Variants in SOX5 observed in about 807,000 individuals in gnomAD.
SOX5 encodes the protein SRY-box transcription factor 5.
A neutral mutation model predicts 92.0 loss-of-function variants in SOX5; 9 were observed. The observed-to-expected ratio is 0.10, with a 90% CI of 0.06 to 0.17. The LOEUF is 0.17. SOX5 is among the 10% of genes least tolerant of loss of function. SOX5 has a pLI of 1.00. For synonymous variants in SOX5, 344 were observed against 336.3 expected, an observed-to-expected ratio of 1.02 and a Z score of -0.25; for missense variants, 642 against 944.5, an observed-to-expected ratio of 0.68 and a Z score of 4.20.
intron 2 of SOX5, among the ~76,000 whole-genome samples, chr12:24,305,636 C>T (rs771918918): frequency 7.9e-5 from 12 of 152,116 alleles, no homozygotes; most frequent in Non-Finnish European, 1.8e-4. Flanking sequence ...CTCGCTCTCT[C>T]GCCCAGGCTG....
intron 4 of SOX5, among the ~76,000 whole-genome samples, chr12:24,183,551 A>G (rs1955719573): frequency 6.6e-6 from 1 of 152,204 alleles, no homozygotes; most frequent in Admixed American, 6.5e-5. Context: ...GATATCCACT[A>G]AAAGTCATTT....
intron 4 of SOX5, among the ~76,000 whole-genome samples, chr12:24,152,337 TTA>T (rs138372076): frequency 6.6e-6 from 1 of 152,160 alleles, no homozygotes; most frequent in Admixed American, 6.6e-5. Context: ...CATGAACATT[TTA>T]TGAGTTTTTA....
chr12:24,286,593 A>T (rs1170813721), intron 2 of SOX5, among the ~76,000 whole-genome samples: 1 of 152,132 alleles, frequency 6.6e-6, no homozygotes, highest in Non-Finnish European at 1.5e-5. Flanking sequence ...GCTGGAGTGC[A>T]ATGATACCAT....
chr12:23,625,009 A>G (rs1048092900), intron 8 of SOX5, among the ~76,000 whole-genome samples: 1 of 152,180 alleles, frequency 6.6e-6, no homozygotes, highest in South Asian at 2.1e-4. Context: ...TATGTATAAT[A>G]TACCATATGC....
At chr12:23,718,548 A>G (rs749884749) in intron 6 of SOX5, among the ~76,000 whole-genome samples, 2 of 152,230 alleles carry the variant, frequency 1.3e-5, no homozygotes, top group Non-Finnish European at 2.9e-5. Context: ...TTTATAAACC[A>G]TGTTTAATCT....
chr12:24,059,283 A>G (rs1413265405), intron 4 of SOX5, among the ~76,000 whole-genome samples: 2 of 151,966 alleles, frequency 1.3e-5, no homozygotes, highest in Non-Finnish European at 2.9e-5. Context: ...CTCTCATCGC[A>G]CCAAAATCTT....
intron 4 of SOX5, among the ~76,000 whole-genome samples, chr12:23,991,341 CAAA>C (rs1307441405): frequency 6.6e-6 from 1 of 150,414 alleles, no homozygotes; most frequent in Non-Finnish European, 1.5e-5. Context: ...ACAACAACAA[CAAA>C]AAAAATATAT....
At position 23,946,919 on chromosome 12, in the gene SOX5, T is replaced by C. The variant is rs181303000; in HGVS notation, c.38+2645A>G. On this transcript the variant is annotated intron_variant, in intron 1 of 14. Transcript: ENST00000451604. ...CCTCCTGCATATTTTTAACAGACAA[T>C]GAAATTGTTACTACTTCTTAACTAT... Among the ~76,000 whole-genome samples, 281 of 152,036 alleles carry C rather than the reference T, an allele frequency of 1.8e-3. 1 individual carries two copies. Among genetic ancestry groups the C allele is most frequent in the African/African-American group, 6.0e-3 (251 of 41,548 alleles).
At chr12:24,439,621 G>A (rs563246699) in intron 1 of SOX5, among the ~76,000 whole-genome samples, 10 of 152,318 alleles carry the variant, frequency 6.6e-5, no homozygotes, top group South Asian at 6.2e-4. Context: ...TAGTCCGGGC[G>A]CAGTAGCTCA....
intron 1 of SOX5, among the ~76,000 whole-genome samples, chr12:24,369,038 AG>A (rs537658507): frequency 2.0e-3 from 310 of 152,308 alleles, no homozygotes; most frequent in African/African-American, 6.9e-3. Context: ...CTGTAAAGTA[AG>A]GGTAACTGTA....
intron 4 of SOX5, among the ~76,000 whole-genome samples, chr12:24,034,840 T>C (rs1177944443): frequency 1.3e-5 from 2 of 152,246 alleles, no homozygotes; most frequent in Non-Finnish European, 2.9e-5. Flanking sequence ...GCAAATGTAC[T>C]GTATACAATT....
At chr12:24,206,156 G>T (rs1957998900) in intron 4 of SOX5, among the ~76,000 whole-genome samples, 1 of 152,142 alleles carries the variant, frequency 6.6e-6, no homozygotes. Flanking sequence ...ATATTATTTA[G>T]ATAAGAGCCA....
chr12:24,487,704 C>G (rs1386175037), intron 1 of SOX5, among the ~76,000 whole-genome samples: 3 of 152,114 alleles, frequency 2.0e-5, no homozygotes, highest in African/African-American at 7.2e-5. Context: ...ATATTTCTCC[C>G]AAGAAAAGAC....
At chr12:24,406,124 T>G (rs932624575) in intron 1 of SOX5, among the ~76,000 whole-genome samples, 1 of 152,062 alleles carries the variant, frequency 6.6e-6, no homozygotes, top group South Asian at 2.1e-4. Context: ...CTCCCGCCCA[T>G]GAAGGTTCAT....
rs997420779 is a variant in SOX5 at position 24,144,504 on chromosome 12, T to C, written c.-2+68839A>G. ...ACAACATACATAAAAACAAATTATA[T>C]AATTAAAATAGCACAGAAAAGCCAA... On this transcript the variant is annotated intron_variant, in intron 4 of 4. Coordinates refer to the SOX5 transcript ENST00000446891. Among the ~76,000 whole-genome samples the C allele has an allele frequency of 1.1e-4, 17 of 150,176 alleles. No homozygotes were observed. In the Admixed American group the frequency reaches 1.3e-3, roughly 11 times the overall value.
At position 23,531,892 on chromosome 12, in the gene SOX5, T is replaced by C. The variant is rs1283481413; in HGVS notation, c.*2327A>G. On this transcript the variant is annotated 3_prime_UTR_variant, in exon 15 of 15. Coordinates refer to ENST00000451604, the MANE Select transcript of SOX5 (RefSeq NM_006940.6). ...ACGGAAAGAGAAGTAAAATTGTGGG[T>C]AAATGTGTGTGTGTGTGTGTATATG... The C allele has an allele frequency of 1.3e-5, 2 of 150,664 alleles. No homozygotes were observed. Among genetic ancestry groups the C allele is most frequent in the Non-Finnish European group, 3.0e-5 (2 of 67,750 alleles). 9.3% of individuals were successfully genotyped at this position (150,664 alleles called of 1,614,324 possible).
intron 2 of SOX5, among the ~76,000 whole-genome samples, chr12:24,365,436 T>C (rs1365199650): frequency 6.6e-6 from 1 of 152,004 alleles, no homozygotes; most frequent in African/African-American, 2.4e-5. Flanking sequence ...CCCAATTGCA[T>C]AGAAAAATAA....
intron 10 of SOX5, among the ~76,000 whole-genome samples, chr12:23,573,748 G>T (rs1388289443): frequency 1.3e-5 from 2 of 152,068 alleles, no homozygotes; most frequent in African/African-American, 4.8e-5. Flanking sequence ...TGGAGAACAG[G>T]TTATTTCGTG....
At chr12:23,759,404 TA>T (rs1426654552) in intron 3 of SOX5, among the ~76,000 whole-genome samples, 1 of 152,026 alleles carries the variant, frequency 6.6e-6, no homozygotes, top group African/African-American at 2.4e-5. Context: ...TGACACTGGC[TA>T]GATTGGCCTG....
Sources: gnomAD v4.1 joint callset for allele counts (sites outside exome capture counted in the v4.1 genomes callset) on GRCh38, gnomAD v4.1.1 for gene constraint, MANE v1.5 for transcripts, NCBI Gene and HGNC (gene_info 2026-07-23, HGNC 2026-07-21) for gene names.